Variants in GRIK1 observed in about 807,000 individuals in gnomAD.
The protein encoded by GRIK1 is glutamate ionotropic receptor kainate type subunit 1.
GRIK1 carries 69 observed loss-of-function variants against 105.7 expected under a neutral mutation model. The ratio of observed to expected loss-of-function variants is 0.65; its 90% CI spans 0.54 to 0.80. GRIK1 has a LOEUF of 0.80. GRIK1 is among the 30% of genes least tolerant of loss of function. The pLI is 0.00. For missense variants in GRIK1, 1,109 were observed against 1,167.3 expected (o/e 0.95, Z 0.73); for synonymous variants, 438 against 431.3 (o/e 1.02, Z -0.19).
intron 1 of GRIK1, among the ~76,000 whole-genome samples, chr21:29,722,598 C>T (rs571916420): frequency 6.6e-6 from 1 of 150,478 alleles, no homozygotes; most frequent in Admixed American, 6.6e-5. Context: ...AAAAAAAACT[C>T]CCAAACTAAT....
intron 1 of GRIK1, among the ~76,000 whole-genome samples, chr21:29,877,888 A>C (rs1456905260): frequency 6.6e-6 from 1 of 152,172 alleles, no homozygotes; most frequent in Non-Finnish European, 1.5e-5. Context: ...ATCGAGTAAG[A>C]AAATCAGTCC....
intron 16 of GRIK1, among the ~76,000 whole-genome samples, chr21:29,545,065 CCT>C (rs2090029766): frequency 6.6e-6 from 1 of 151,930 alleles, no homozygotes; most frequent in Non-Finnish European, 1.5e-5. Context: ...CTGAAACTGT[CCT>C]CTGAGACTCC....
intron 1 of GRIK1, among the ~76,000 whole-genome samples, chr21:29,864,371 AC>A (rs2068739175): frequency 6.6e-6 from 1 of 151,894 alleles, no homozygotes; most frequent in Non-Finnish European, 1.5e-5. Flanking sequence ...AATTTCTTCT[AC>A]CCTACTTTCT....
chr21:29,571,513 T>C (rs993546860), intron 14 of GRIK1, among the ~76,000 whole-genome samples: 2 of 152,204 alleles, frequency 1.3e-5, no homozygotes, highest in African/African-American at 4.8e-5. Flanking sequence ...TAGAGTGTCA[T>C]GCTGTCTGCA....
chr21:29,859,412 T>A (rs997467682), intron 1 of GRIK1, among the ~76,000 whole-genome samples: 17 of 145,468 alleles, frequency 1.2e-4, no homozygotes, highest in African/African-American at 4.1e-4. Flanking sequence ...CAAAAAAAAA[T>A]AAATTGTAAG....
intron 8 of GRIK1, chr21:29,597,554 C>A: frequency 3.1e-6 from 1 of 322,568 alleles, no homozygotes; most frequent in East Asian, 8.6e-5. Flanking sequence ...TATTTTTTTT[C>A]TTTTGTTCCC....
intron 1 of GRIK1, among the ~76,000 whole-genome samples, chr21:29,904,969 C>T (rs539383639): frequency 1.1e-4 from 16 of 152,246 alleles, no homozygotes; most frequent in Non-Finnish European, 2.2e-4. Context: ...AGGGTCACAC[C>T]GCTATACGTG....
At chr21:29,632,757 C>T (rs554020233) in intron 7 of GRIK1, among the ~76,000 whole-genome samples, 7 of 152,104 alleles carry the variant, frequency 4.6e-5, no homozygotes, top group African/African-American at 1.7e-4. Flanking sequence ...GACATGAGTC[C>T]CTGATGCTAT....
At chr21:29,693,764 G>A (rs181807458) in intron 2 of GRIK1, 132 bp downstream of exon 2, 4 of 673,656 alleles carry the variant, frequency 5.9e-6, no homozygotes, top group Non-Finnish European at 1.0e-5. Flanking sequence ...CAGTGACATC[G>A]AAGACCCAGA....
intron 1 of GRIK1, among the ~76,000 whole-genome samples, chr21:29,698,567 G>T (rs570603076): frequency 1.3e-5 from 2 of 152,146 alleles, no homozygotes; most frequent in Non-Finnish European, 1.5e-5. Flanking sequence ...TTCATTGCTC[G>T]TGTGTACCTG....
chr21:29,558,356 A>G (rs1174340802), intron 15 of GRIK1, among the ~76,000 whole-genome samples: 1 of 124,824 alleles, frequency 8.0e-6, no homozygotes, highest in Admixed American at 9.5e-5. Flanking sequence ...ATATATATAT[A>G]TATATTTCAT....
At chr21:29,861,980 T>A (rs1601879695) in intron 1 of GRIK1, among the ~76,000 whole-genome samples, 1 of 152,150 alleles carries the variant, frequency 6.6e-6, no homozygotes, top group African/African-American at 2.4e-5. Flanking sequence ...ATTGCCCTTA[T>A]AATTATTACT....
intron 1 of GRIK1, among the ~76,000 whole-genome samples, chr21:29,882,289 CT>C (rs2069443941): frequency 1.3e-5 from 2 of 152,028 alleles, no homozygotes; most frequent in South Asian, 4.1e-4. Flanking sequence ...CTAGGTACCC[CT>C]TTTTTGACTT....
intron 1 of GRIK1, among the ~76,000 whole-genome samples, chr21:29,731,391 C>T (rs1029609450): frequency 4.6e-5 from 7 of 152,322 alleles, no homozygotes; most frequent in Admixed American, 3.9e-4. Flanking sequence ...TGACCACATC[C>T]ACCTCTTGGT....
chr21:29,577,070 G>A lies in GRIK1; in HGVS notation c.2024C>T (p.Thr675Ile), dbSNP rs760949746. 6.2e-7 allele frequency: 1 copy of A among 1,612,578 alleles called. No individual in the cohort carries two copies. The highest frequency in any genetic ancestry group is 1.1e-5 in the South Asian group (1 of 91,030). ...SYTANLAAFL[T>I]VERMESPIDS... Reference sequence around the variant, plus strand: ...TATGGGGGATTCCATTCTCTCTACTGTCAAGAAGGCAGCCAGATTGGCCGT... The same window carrying A: ...TATGGGGGATTCCATTCTCTCTACTATCAAGAAGGCAGCCAGATTGGCCGT... Residue 675 changes from threonine (T) to isoleucine (I), a missense_variant, in exon 14 of 18, where the codon ACA (threonine) becomes ATA (isoleucine). Thr to Ile is a moderately conservative substitution (Grantham distance 89, BLOSUM62 -1). Around this residue, in one of 5 missense-constraint regions of GRIK1, gnomAD observed 264 missense variants for 306.9 expected, o/e 0.86. Transcript: ENST00000327783.
chr21:29,615,583 A>T lies in GRIK1; in HGVS notation c.1099-16646T>A, dbSNP rs1223187827. Among the ~76,000 whole-genome samples, 4 of 152,228 alleles carry T rather than the reference A, an allele frequency of 2.6e-5. No homozygotes were observed. The East Asian group carries it at 7.7e-4, about 29-fold the overall frequency. ...TTTGGCCTCCCAAAGTGCTGGGATT[A>T]CAGGCATGAGCCACGGCGCCTGGCC... On this transcript the variant is annotated intron_variant, in intron 7 of 17. Transcript: ENST00000327783.
intron 1 of GRIK1, among the ~76,000 whole-genome samples, chr21:29,892,159 A>G (rs1218747813): frequency 6.6e-6 from 1 of 152,186 alleles, no homozygotes; most frequent in Non-Finnish European, 1.5e-5. Context: ...AACCTGGTGT[A>G]AGATGTGTGT....
chr21:29,861,278 A>G lies in GRIK1; in HGVS notation c.118+78105T>C, dbSNP rs985692084. On this transcript the variant is annotated intron_variant, in intron 1 of 17. Transcript: ENST00000327783. ...GGAAATCACTCAGTCTTTCATCATTAAGATGATAACTGTAGCTTTTTGTAC... is the reference window on the plus strand; with the variant it reads ...GGAAATCACTCAGTCTTTCATCATTGAGATGATAACTGTAGCTTTTTGTAC... Among the ~76,000 whole-genome samples the G allele has an allele frequency of 2.0e-5, 3 of 151,478 alleles. No individual in the cohort carries two copies. The Admixed American group carries it at 2.0e-4, about 10-fold the overall frequency.
intron 1 of GRIK1, among the ~76,000 whole-genome samples, chr21:29,764,993 C>T (rs1444862348): frequency 6.6e-6 from 1 of 152,098 alleles, no homozygotes; most frequent in Non-Finnish European, 1.5e-5. Flanking sequence ...TTATTATTGA[C>T]TTGAAAATAT....
Sources: gnomAD v4.1 joint callset for allele counts (sites outside exome capture counted in the v4.1 genomes callset) on GRCh38, gnomAD v4.1.1 for gene constraint, gnomAD v4.1.1 regional missense constraint, MANE v1.5 for transcripts, NCBI Gene and HGNC (gene_info 2026-07-23, HGNC 2026-07-21) for gene names.